The following RPS6KA5 variants were observed in gnomAD, a reference collection of about 807,000 sequenced individuals.
RPS6KA5 encodes the protein ribosomal protein S6 kinase A5, also known as ribosomal protein S6 kinase alpha-5.
In RPS6KA5, 27 loss-of-function variants were observed where a neutral mutation model predicts 85.5. That is an observed-to-expected ratio of 0.32 (90% confidence interval 0.23 to 0.44). The LOEUF (loss-of-function observed/expected upper bound fraction) is 0.44. Among genes scored for constraint, RPS6KA5 ranks in the 20% least tolerant of loss-of-function variants. RPS6KA5 has a pLI of 1.00. For synonymous variants in RPS6KA5, 334 were observed against 348.2 expected (o/e 0.96, Z 0.46); for missense variants, 811 against 980.9 (o/e 0.83, Z 2.31).
At chr14:90,918,104 T>C (rs1465265610) in intron 7 of RPS6KA5, among the ~76,000 whole-genome samples, 1 of 152,168 alleles carries the variant, frequency 6.6e-6, no homozygotes, top group Non-Finnish European at 1.5e-5. Context: ...TTTTAAGAAA[T>C]TGCCTATTTT....
At chr14:91,056,993 C>T (rs543283107) in intron 1 of RPS6KA5, among the ~76,000 whole-genome samples, 1 of 149,376 alleles carries the variant, frequency 6.7e-6, no homozygotes, top group Admixed American at 6.7e-5. Context: ...GAACCTCCTG[C>T]CTCAGCCTCC....
In RPS6KA5 at chr14:90,952,005, T is replaced by A. The variant is rs141039644; in HGVS notation, c.395-4455A>T. 4.6e-5 allele frequency among the ~76,000 whole-genome samples: 7 copies of A among 152,280 alleles called. No individual in the cohort carries two copies. The East Asian group carries it at 1.4e-3, about 29-fold the overall frequency. ...CCAATACCCCTTTATGGGACTTCAA[T>A]TGGCATTATGATAATTCTTCTCAAC... On this transcript the variant is annotated intron_variant, in intron 3 of 16. Coordinates refer to ENST00000614987, the MANE Select transcript of RPS6KA5 (RefSeq NM_004755.4).
At chr14:90,949,270 T>C (rs994988062) in intron 3 of RPS6KA5, among the ~76,000 whole-genome samples, 6 of 152,244 alleles carry the variant, frequency 3.9e-5, no homozygotes, top group East Asian at 1.9e-4. Context: ...AACTCCTACA[T>C]AGCCTTGAAT....
At position 91,060,342 on chromosome 14, in the gene RPS6KA5, C is replaced by T. The variant is rs200700842; in HGVS notation, c.93G>A (p.Glu31=). The T allele has an allele frequency of 6.4e-5, 91 of 1,416,512 alleles. No individual in the cohort carries two copies. Among genetic ancestry groups the T allele is most frequent in the Non-Finnish European group, 1.7e-5 (18 of 1,074,784 alleles). 87.7% of individuals were successfully genotyped at this position (1,416,512 alleles called of 1,614,324 possible). The change falls in exon 1 of 17, where the codon GAG becomes GAA. Residue 31 remains glutamate, a synonymous_variant. Coordinates refer to ENST00000614987, the MANE Select transcript of RPS6KA5 (RefSeq NM_004755.4). ...GGEQLLTVKH[E]LRTANLTGHA... ...GGCGGGGTCGCTCACCAGTCCGCAGCTCGTGCTTGACAGTGAGGAGCTGCT... is the reference window on the plus strand; with the variant it reads ...GGCGGGGTCGCTCACCAGTCCGCAGTTCGTGCTTGACAGTGAGGAGCTGCT...
At position 90,872,272 on chromosome 14, in the gene RPS6KA5, C is replaced by T. The variant is rs750588342; in HGVS notation, c.2211G>A (p.Lys737=). ...TTTTTCTTCTCTTAGCCAAAGGGGC[C>T]TTATCAACATTCTGAAGGCAAAACC... The part of the protein sequence containing the change: ...REGFCLQNVD[K]APLAKRRKMK... The change falls in exon 17 of 17, where the codon AAG becomes AAA. Residue 737 remains lysine (K), a synonymous_variant. Coordinates refer to ENST00000614987, the MANE Select transcript of RPS6KA5 (RefSeq NM_004755.4). 10 of 1,613,684 alleles carry T rather than the reference C, an allele frequency of 6.2e-6. No homozygotes were observed. The South Asian group carries it at 9.9e-5, about 16-fold the overall frequency.
intron 1 of RPS6KA5, among the ~76,000 whole-genome samples, chr14:91,017,331 A>G (rs1209653767): frequency 2.6e-5 from 4 of 152,212 alleles, no homozygotes; most frequent in South Asian, 2.1e-4. Flanking sequence ...CCTGCACACA[A>G]TATTTCTGTC....
chr14:90,990,592 G>A (rs891979510), intron 2 of RPS6KA5, among the ~76,000 whole-genome samples: 56 of 152,274 alleles, frequency 3.7e-4, no homozygotes, highest in Middle Eastern at 3.4e-3. Flanking sequence ...TTCATTGCAT[G>A]TTCACTGCAG....
chr14:90,899,182 G>A (rs2140223730), intron 12 of RPS6KA5, 147 bp downstream of exon 12: 1 of 606,522 alleles, frequency 1.6e-6, no homozygotes, highest in East Asian at 2.8e-5. Context: ...AGGGGTTTGA[G>A]AGGGTGGTTT....
At position 91,060,424 on chromosome 14, in the gene RPS6KA5, T is replaced by C; in HGVS notation, c.11A>G (p.Glu4Gly). MEE[E>G]GGSSGGAAGT... ...CGCGGCGCCGCCGCTGCTGCCACCC[T>C]CCTCCTCCATCTTCTCCTTTTTTTC... Residue 4 changes from glutamate (E) to glycine (G), a missense_variant, in exon 1 of 17, where the codon GAG (glutamate) becomes GGG (glycine). This residue lies in a region of RPS6KA5 where 113 missense variants were observed against 100.0 expected (regional missense o/e 1.13). Transcript: ENST00000614987. The C allele has an allele frequency of 6.7e-7, 1 of 1,489,826 alleles. No homozygotes were observed. The highest frequency in any genetic ancestry group is 1.3e-5 in the South Asian group (1 of 75,464). 92.3% of individuals were successfully genotyped at this position (1,489,826 alleles called of 1,614,324 possible).
rs1196234705 is a variant in RPS6KA5, at chr14:90,866,265, G to A, written c.*5809C>T. ...GGATTGCTTGAAGCCAGGAGTTTGA[G>A]ACTAGCCTGGGCACCATACTGATAC... On this transcript the variant is annotated 3_prime_UTR_variant, in exon 17 of 17. Transcript: ENST00000614987. 2 of 152,300 alleles carry A rather than the reference G, an allele frequency of 1.3e-5. No individual in the cohort carries two copies. Among genetic ancestry groups the A allele is most frequent in the Non-Finnish European group, 1.5e-5 (1 of 68,136 alleles). 9.4% of individuals were successfully genotyped at this position (152,300 alleles called of 1,614,324 possible). A position where few individuals can be genotyped will look rare whatever the true frequency, so the allele number is the denominator to read the frequency against.
chr14:90,894,450 T>C lies in RPS6KA5; in HGVS notation c.1607A>G (p.His536Arg). 6 of 1,614,164 alleles carry C rather than the reference T, an allele frequency of 3.7e-6. No individual in the cohort carries two copies. Among genetic ancestry groups the C allele is most frequent in the Admixed American group, 1.7e-5 (1 of 60,026 alleles). ...ATCCCTGTGCACCACTCCAACATCA[T>C]GCATGTGGCTTACAGCTGAAACAAG... ...RKLVSAVSHM[H>R]DVGVVHRDLK... The change falls in exon 13 of 17, where the codon CAT becomes CGT. Residue 536 changes from histidine to arginine, a missense_variant. Coordinates refer to ENST00000614987, the MANE Select transcript of RPS6KA5 (RefSeq NM_004755.4).
At chr14:91,035,395 G>A (rs917494257) in intron 1 of RPS6KA5, among the ~76,000 whole-genome samples, 1 of 152,066 alleles carries the variant, frequency 6.6e-6, no homozygotes, top group African/African-American at 2.4e-5. Context: ...TGAGTAGGGG[G>A]GCATGGACTT....
intron 3 of RPS6KA5, among the ~76,000 whole-genome samples, chr14:90,966,541 T>C (rs2039071637): frequency 6.6e-6 from 1 of 152,218 alleles, no homozygotes; most frequent in Non-Finnish European, 1.5e-5. Flanking sequence ...AATTAAGCTT[T>C]AGAGAGTACA....
chr14:90,922,623 A>G (rs1364754211), intron 6 of RPS6KA5, among the ~76,000 whole-genome samples: 5 of 152,078 alleles, frequency 3.3e-5, no homozygotes, highest in Admixed American at 2.0e-4. Flanking sequence ...AATTTTTTAT[A>G]TTTTTAGTAG....
chr14:90,961,664 A>AT (rs1020311258), intron 3 of RPS6KA5, among the ~76,000 whole-genome samples: 46 of 149,144 alleles, frequency 3.1e-4, no homozygotes, highest in Admixed American at 4.7e-4. Flanking sequence ...GTCTACTGAG[A>AT]TTTTTTTTTT....
At position 90,906,195 on chromosome 14, in the gene RPS6KA5, C is replaced by T; in HGVS notation, c.911G>A (p.Cys304Tyr). The change falls in exon 8 of 17, where the codon TGT (cysteine) becomes TAT (tyrosine). Residue 304 changes from cysteine to tyrosine, a missense_variant. Coordinates refer to ENST00000614987, the MANE Select transcript of RPS6KA5 (RefSeq NM_004755.4). The stretch of plus-strand genomic sequence containing the variant: ...GATTTCATCTGCATCACGTGGACCA[C>T]ATCCCAATCTCTTCTTGGGATCTTT... ...LMKDPKKRLG[C>Y]GPRDADEIKE... 1 of 1,612,902 alleles carries T rather than the reference C, an allele frequency of 6.2e-7. No individual in the cohort carries two copies. The highest frequency in any genetic ancestry group is 1.7e-5 in the Admixed American group (1 of 60,006).
At chr14:91,008,935 G>T (rs1411730028) in intron 1 of RPS6KA5, among the ~76,000 whole-genome samples, 1 of 152,176 alleles carries the variant, frequency 6.6e-6, no homozygotes, top group Non-Finnish European at 1.5e-5. Context: ...ATGAGGGTCT[G>T]GTCTGAGTAA....
intron 1 of RPS6KA5, among the ~76,000 whole-genome samples, chr14:91,055,817 T>C (rs1207492889): frequency 6.6e-6 from 1 of 152,212 alleles, no homozygotes; most frequent in African/African-American, 2.4e-5. Context: ...AGGTTCCACC[T>C]CGCTGTCTCT....
intron 1 of RPS6KA5, chr14:91,059,976 C>A: frequency 1.1e-6 from 1 of 940,698 alleles, no homozygotes. Context: ...CGGAGGCAGG[C>A]GCACCTTTCG....
Sources: gnomAD v4.1 joint callset for allele counts (sites outside exome capture counted in the v4.1 genomes callset) on GRCh38, gnomAD v4.1.1 for gene constraint, gnomAD v4.1.1 regional missense constraint, MANE v1.5 for transcripts, NCBI Gene and HGNC (gene_info 2026-07-23, HGNC 2026-07-21) for gene names.